The following TRIM71 variants were observed in gnomAD, a reference collection of about 807,000 sequenced individuals.
TRIM71 encodes E3 ubiquitin-protein ligase TRIM71.
TRIM71 carries 9 observed loss-of-function variants against 61.2 expected under a neutral mutation model. The ratio of observed to expected loss-of-function variants is 0.15; its 90% CI spans 0.09 to 0.26. The LOEUF (loss-of-function observed/expected upper bound fraction) is 0.26. TRIM71 is among the 10% of genes least tolerant of loss of function. The pLI is 1.00. For missense variants in TRIM71, 998 were observed against 1,238.7 expected (o/e 0.81, Z 2.92); for synonymous variants, 645 against 553.2 (o/e 1.17, Z -2.33).
At chr3:32,855,376 A>C (rs1343520811) in intron 1 of TRIM71, among the ~76,000 whole-genome samples, 1 of 151,112 alleles carries the variant, frequency 6.6e-6, no homozygotes. Flanking sequence ...GGGGTGGGGG[A>C]GGGCATGGCT....
At chr3:32,876,898 T>C (rs907859491) in intron 2 of TRIM71, among the ~76,000 whole-genome samples, 2 of 152,010 alleles carry the variant, frequency 1.3e-5, no homozygotes. Context: ...AAAATAAATA[T>C]AGTCAGCTGT....
intron 1 of TRIM71, among the ~76,000 whole-genome samples, chr3:32,839,716 G>C (rs989143816): frequency 1.3e-5 from 2 of 151,946 alleles, no homozygotes; most frequent in African/African-American, 2.4e-5. Context: ...GCACTAGCAG[G>C]GTTCAGAATT....
At chr3:32,865,843 T>TTTA (rs1463533757) in intron 1 of TRIM71, among the ~76,000 whole-genome samples, 4 of 78,104 alleles carry the variant, frequency 5.1e-5, no homozygotes, top group Admixed American at 1.8e-4. Context: ...TTTTTTTTTT[T>TTTA]AAGACAGAGT....
chr3:32,853,016 C>A (rs1328366658), intron 1 of TRIM71, among the ~76,000 whole-genome samples: 2 of 151,982 alleles, frequency 1.3e-5, no homozygotes, highest in Admixed American at 6.6e-5. Context: ...TACTTGTATC[C>A]ATTTTTCTTC....
At chr3:32,869,949 C>A (rs1008355361) in intron 1 of TRIM71, among the ~76,000 whole-genome samples, 10 of 152,222 alleles carry the variant, frequency 6.6e-5, no homozygotes, top group Non-Finnish European at 1.2e-4. Flanking sequence ...TGCTAGACGA[C>A]CTGTTCTTCC....
rs895499642 is a variant in TRIM71 at position 32,825,916 on chromosome 3, G to C, written c.852+6984G>C. ...GGTTTTGTCTATACTCACAAACTGA[G>C]TTGACTGAAACCAGATTGACTGTTT... On this transcript the variant is annotated intron_variant, in intron 1 of 3. Transcript: ENST00000383763. Among the ~76,000 whole-genome samples, 8 of 152,078 alleles carry C rather than the reference G, an allele frequency of 5.3e-5. No individual in the cohort carries two copies. In the East Asian group the frequency reaches 5.8e-4, roughly 11 times the overall value.
chr3:32,862,875 A>G (rs985535813), intron 1 of TRIM71, among the ~76,000 whole-genome samples: 2 of 152,294 alleles, frequency 1.3e-5, no homozygotes, highest in East Asian at 3.9e-4. Context: ...ATCGGGACTC[A>G]GGGTTCTAAT....
chr3:32,872,104 G>A lies in TRIM71; in HGVS notation c.853-1714G>A, dbSNP rs958098792. Among the ~76,000 whole-genome samples the A allele has an allele frequency of 3.3e-5, 5 of 152,062 alleles. No homozygotes were observed. The South Asian group carries it at 6.2e-4, about 19-fold the overall frequency. On this transcript the variant is annotated intron_variant, in intron 1 of 3. Coordinates refer to ENST00000383763, the MANE Select transcript of TRIM71 (RefSeq NM_001039111.3). ...AGAGCTTGCAGTGAGCCGAGATCGCGTCGCCACTGCACTCCAGCCTGGGTG... is the reference window on the plus strand; with the variant it reads ...AGAGCTTGCAGTGAGCCGAGATCGCATCGCCACTGCACTCCAGCCTGGGTG...
intron 1 of TRIM71, among the ~76,000 whole-genome samples, chr3:32,862,872 C>T (rs1234469690): frequency 6.6e-6 from 1 of 152,122 alleles, no homozygotes; most frequent in Non-Finnish European, 1.5e-5. Flanking sequence ...TAAATCGGGA[C>T]TCAGGGTTCT....
At chr3:32,855,685 A>C (rs992898449) in intron 1 of TRIM71, among the ~76,000 whole-genome samples, 4 of 152,092 alleles carry the variant, frequency 2.6e-5, no homozygotes, top group African/African-American at 9.7e-5. Flanking sequence ...GGTTTTGGGG[A>C]GCACAGCAGG....
At position 32,818,838 on chromosome 3, in the gene TRIM71, A is replaced by G. The variant is rs757388719; in HGVS notation, c.758A>G (p.Gln253Arg). 1 of 1,611,876 alleles carries G rather than the reference A, an allele frequency of 6.2e-7. No individual in the cohort carries two copies. Among genetic ancestry groups the G allele is most frequent in the Non-Finnish European group, 8.5e-7 (1 of 1,179,492 alleles). ...PGPGAAAAAQ[Q>R]LGLGPPFPGP... is the part of the protein sequence containing the mutation. ...CCCGGTGCCGCAGCAGCGGCGCAGC[A>G]GCTCGGGCTCGGGCCGCCCTTTCCC... The change falls in exon 1 of 4, where the codon CAG becomes CGG. Residue 253 changes from glutamine (Q) to arginine (R), a missense_variant. Physicochemically the swap from Gln to Arg is conservative, Grantham distance 43. This residue lies in a region of TRIM71 where 527 missense variants were observed against 427.8 expected (regional missense o/e 1.23). Transcript: ENST00000383763.
At chr3:32,830,466 A>G (rs901628524) in intron 1 of TRIM71, among the ~76,000 whole-genome samples, 9 of 152,214 alleles carry the variant, frequency 5.9e-5, no homozygotes, top group African/African-American at 1.7e-4. Flanking sequence ...TCCATCTCAC[A>G]GTATCAGGGT....
intron 1 of TRIM71, among the ~76,000 whole-genome samples, chr3:32,865,468 C>T (rs968164934): frequency 2.0e-5 from 3 of 152,090 alleles, no homozygotes. Context: ...GTGGGTTGGG[C>T]GGCAGCAAGA....
rs1192746846 is a variant in TRIM71, at chr3:32,891,869, TC to T, written c.*59del. On this transcript the variant is annotated 3_prime_UTR_variant, in exon 4 of 4. Transcript: ENST00000383763. The surrounding 1 kb of genome is among the most constrained non-coding windows in gnomAD (Gnocchi z 8.2). ...GTGTGCGTGTCTCTCTCTCTCTCTC[TC>T]TCTTTCTCTTTCTCTCTCTTTTTGA... 1.2e-5 allele frequency: 17 copies of T among 1,468,570 alleles called. No homozygotes were observed. The highest frequency in any genetic ancestry group is 7.3e-5 in the Admixed American group (3 of 41,252). The allele number at this position is 1,468,570 out of a possible 1,614,324, so 91.0% of individuals were successfully genotyped here.
At chr3:32,875,685 T>C (rs1428595934) in intron 2 of TRIM71, among the ~76,000 whole-genome samples, 1 of 151,982 alleles carries the variant, frequency 6.6e-6, no homozygotes, top group African/African-American at 2.4e-5. Context: ...AGTACCAAAA[T>C]TAGCCGGGTG....
chr3:32,853,924 A>G (rs1696567310), intron 1 of TRIM71, among the ~76,000 whole-genome samples: 1 of 152,124 alleles, frequency 6.6e-6, no homozygotes, highest in South Asian at 2.1e-4. Flanking sequence ...GAATCATTTG[A>G]ACTCAAGAGG....
In TRIM71 at chr3:32,873,798, G is replaced by A. The variant is rs1241669731; in HGVS notation, c.853-20G>A. 9 of 1,536,832 alleles carry A rather than the reference G, an allele frequency of 5.9e-6. No individual in the cohort carries two copies. Among genetic ancestry groups the A allele is most frequent in the Middle Eastern group, 3.5e-4 (2 of 5,706 alleles). The stretch of plus-strand genomic sequence containing the variant: ...CCGTCCTGCATCTCCATTTATGCCT[G>A]TACCCTCTCTTGTCCCCAGGTGCTG... On this transcript the variant is annotated intron_variant, in intron 1 of 3. Coordinates refer to ENST00000383763, the MANE Select transcript of TRIM71 (RefSeq NM_001039111.3).
chr3:32,896,741 A>T lies in TRIM71; in HGVS notation c.*4930A>T, dbSNP rs1443966709. 1 of 152,226 alleles carries T rather than the reference A, an allele frequency of 6.6e-6. No homozygotes were observed. Among genetic ancestry groups the T allele is most frequent in the Admixed American group, 6.5e-5 (1 of 15,286 alleles). 9.4% of individuals were successfully genotyped at this position (152,226 alleles called of 1,614,324 possible). ...AAGTTTTGTGTATCCACATGGTCTT[A>T]GACCTCCTTTTAATGATTGTATTAA... On this transcript the variant is annotated 3_prime_UTR_variant, in exon 4 of 4. Transcript: ENST00000383763.
At chr3:32,876,517 G>A (rs1019038911) in intron 2 of TRIM71, among the ~76,000 whole-genome samples, 10 of 152,216 alleles carry the variant, frequency 6.6e-5, no homozygotes, top group African/African-American at 2.2e-4. Flanking sequence ...GCAGGAGGCA[G>A]AGGTTGCAGT....
Sources: allele counts gnomAD v4.1 joint callset (sites outside exome capture counted in the v4.1 genomes callset), GRCh38; gene constraint gnomAD v4.1.1; regional missense constraint gnomAD v4.1.1; non-coding constraint Gnocchi (gnomAD v3.1); transcripts MANE v1.5; gene names NCBI Gene and HGNC (gene_info 2026-07-23, HGNC 2026-07-21).